PSMA1: variants seen among roughly 807,000 people sequenced by gnomAD.
PSMA1 encodes the protein proteasome subunit alpha type-1.
A neutral mutation model predicts 38.4 loss-of-function variants in PSMA1; 3 were observed. That is an observed-to-expected ratio of 0.08 (90% CI 0.04 to 0.20). The LOEUF (loss-of-function observed/expected upper bound fraction) is 0.20. PSMA1 is among the 10% of genes least tolerant of loss of function. PSMA1 has a pLI of 1.00. For missense variants in PSMA1, 227 were observed against 325.3 expected, an observed-to-expected ratio of 0.70 and a Z score of 2.32; for synonymous variants, 101 against 107.1, an observed-to-expected ratio of 0.94 and a Z score of 0.35.
At chr11:14,561,321 C>G (rs1322239324) in intron 2 of PSMA1, among the ~76,000 whole-genome samples, 1 of 152,146 alleles carries the variant, frequency 6.6e-6, no homozygotes, top group Non-Finnish European at 1.5e-5. Context: ...TATAACATTA[C>G]CTGAGACTGT....
chr11:14,512,201 C>A (rs1286024437), intron 7 of PSMA1, among the ~76,000 whole-genome samples: 1 of 152,022 alleles, frequency 6.6e-6, no homozygotes, highest in East Asian at 1.9e-4. Flanking sequence ...ATGGAGAAAC[C>A]CCGTCTCTAC....
chr11:14,633,166 T>G (rs1386163464), intron 1 of PSMA1, among the ~76,000 whole-genome samples: 4 of 152,148 alleles, frequency 2.6e-5, no homozygotes, highest in African/African-American at 9.6e-5. Context: ...CCAGCTTTGT[T>G]CCATTGCTGG....
rs1289813185 is a variant in PSMA1 at position 14,595,705 on chromosome 11, T to C, written c.21+15261A>G. ...CCATTCTGTAGGTTGACTGTTACTC[T>C]GATGGTAGTTTCTTTTGCTGTGCAG... On this transcript the variant is annotated intron_variant, in intron 2 of 10. Transcript: ENST00000418988. Among the ~76,000 whole-genome samples, 6 of 152,390 alleles carry C rather than the reference T, an allele frequency of 3.9e-5. 1 individual carries two copies. In the East Asian group the frequency reaches 7.7e-4, roughly 20 times the overall value.
At chr11:14,624,405 T>C (rs999788101) in intron 1 of PSMA1, among the ~76,000 whole-genome samples, 3 of 152,162 alleles carry the variant, frequency 2.0e-5, no homozygotes, top group Admixed American at 6.5e-5. Flanking sequence ...TGGTACCATG[T>C]CATCAGCAGG....
chr11:14,631,754 T>C (rs1365271077), intron 1 of PSMA1, among the ~76,000 whole-genome samples: 2 of 152,206 alleles, frequency 1.3e-5, no homozygotes, highest in Non-Finnish European at 2.9e-5. Context: ...GTGTCTAATG[T>C]TGACATTGGG....
chr11:14,515,401 AT>A (rs1344601776), intron 4 of PSMA1, among the ~76,000 whole-genome samples: 2 of 152,126 alleles, frequency 1.3e-5, no homozygotes, highest in Non-Finnish European at 2.9e-5. Flanking sequence ...TTTTATATTG[AT>A]TATGTGTTGG....
intron 2 of PSMA1, among the ~76,000 whole-genome samples, chr11:14,553,377 C>A (rs780906751): frequency 5.3e-5 from 8 of 152,056 alleles, no homozygotes; most frequent in Non-Finnish European, 7.4e-5. Context: ...GCAATTTCAT[C>A]ACATGTAGTA....
chr11:14,561,799 C>CTAAACTAAGT (rs1565045177), intron 2 of PSMA1, among the ~76,000 whole-genome samples: 1 of 141,690 alleles, frequency 7.1e-6, no homozygotes, highest in African/African-American at 2.6e-5. Context: ...CTAAACTAAA[C>CTAAACTAAGT]TAAACTAAAT....
chr11:14,508,887 T>C (rs145801851), intron 8 of PSMA1, among the ~76,000 whole-genome samples: 1 of 150,188 alleles, frequency 6.7e-6, no homozygotes, highest in African/African-American at 2.5e-5. Context: ...GTTTTCCTCC[T>C]ACTTCTTTGA....
intron 2 of PSMA1, among the ~76,000 whole-genome samples, chr11:14,527,385 G>A (rs1288075757): frequency 6.6e-6 from 1 of 152,136 alleles, no homozygotes; most frequent in African/African-American, 2.4e-5. Flanking sequence ...CAGCCTCACA[G>A]GCCCATTCTA....
rs566533303 is a variant in PSMA1, at chr11:14,616,340, C to T, written c.-165-5189G>A. Among the ~76,000 whole-genome samples, 4 of 148,388 alleles carry T rather than the reference C, an allele frequency of 2.7e-5. No homozygotes were observed. The South Asian group carries it at 6.5e-4, about 24-fold the overall frequency. On this transcript the variant is annotated intron_variant, in intron 1 of 10. Transcript: ENST00000418988. ...CTTCACCTACCAGGCTCAAACTATTCTTGTGCCTCAGCCTCTGAGTAGCTG... is the reference window on the plus strand; with the variant it reads ...CTTCACCTACCAGGCTCAAACTATTTTTGTGCCTCAGCCTCTGAGTAGCTG...
At position 14,621,236 on chromosome 11, in the gene PSMA1, C is replaced by A. The variant is rs187219985; in HGVS notation, c.-165-10085G>T. On this transcript the variant is annotated intron_variant, in intron 1 of 10. Transcript: ENST00000418988. ...TGCTTTATTAGTAAAAAGCATTTGT[C>A]AAAAATTTTAACTTTGAGATTTTTC... 2.6e-5 allele frequency among the ~76,000 whole-genome samples: 4 copies of A among 151,880 alleles called. No individual in the cohort carries two copies. The East Asian group carries it at 7.7e-4, about 29-fold the overall frequency.
At chr11:14,639,788 C>T (rs1298874877) in intron 1 of PSMA1, among the ~76,000 whole-genome samples, 1 of 152,200 alleles carries the variant, frequency 6.6e-6, no homozygotes, top group Non-Finnish European at 1.5e-5. Context: ...TTTCTACTTA[C>T]TTTACTTAGG....
intron 1 of PSMA1, among the ~76,000 whole-genome samples, chr11:14,632,706 G>T (rs1163048153): frequency 6.2e-5 from 9 of 145,398 alleles, no homozygotes; most frequent in Non-Finnish European, 1.4e-4. Context: ...GAATCTGAAC[G>T]TTGGCCTGCC....
chr11:14,607,915 T>C (rs1852662611), intron 2 of PSMA1, among the ~76,000 whole-genome samples: 1 of 152,178 alleles, frequency 6.6e-6, no homozygotes, highest in South Asian at 2.1e-4. Context: ...GTGAACATGA[T>C]GATGGGTCCA....
chr11:14,595,964 T>C (rs547395819), intron 2 of PSMA1, among the ~76,000 whole-genome samples: 1 of 152,366 alleles, frequency 6.6e-6, no homozygotes, highest in African/African-American at 2.4e-5. Flanking sequence ...TATATATGGC[T>C]AGCCAGTTTT....
At chr11:14,553,730 A>C (rs1355981866) in intron 2 of PSMA1, among the ~76,000 whole-genome samples, 1 of 152,192 alleles carries the variant, frequency 6.6e-6, no homozygotes, top group Admixed American at 6.5e-5. Flanking sequence ...CCATTGAAGG[A>C]CATTTGGGTT....
intron 1 of PSMA1, among the ~76,000 whole-genome samples, chr11:14,619,799 G>A (rs910657859): frequency 6.6e-6 from 1 of 152,128 alleles, no homozygotes; most frequent in Non-Finnish European, 1.5e-5. Context: ...GTAATTTCTA[G>A]GTGATGAGTA....
At chr11:14,515,910 T>C (rs1300019391) in intron 4 of PSMA1, among the ~76,000 whole-genome samples, 4 of 151,956 alleles carry the variant, frequency 2.6e-5, no homozygotes, top group Non-Finnish European at 5.9e-5. Context: ...TGCTGTTGTT[T>C]TAAGAATAGG....
Sources: allele counts gnomAD v4.1 joint callset (sites outside exome capture counted in the v4.1 genomes callset), GRCh38; gene constraint gnomAD v4.1.1; transcripts MANE v1.5; gene names NCBI Gene and HGNC (gene_info 2026-07-23, HGNC 2026-07-21).